The following AGPAT3 variants were observed in gnomAD, a reference collection of about 807,000 sequenced individuals.
AGPAT3 encodes the protein 1-acyl-sn-glycerol-3-phosphate acyltransferase gamma.
AGPAT3 carries 5 observed loss-of-function variants against 47.3 expected under a neutral mutation model. The observed-to-expected ratio is 0.11, with a 90% CI of 0.06 to 0.22. AGPAT3 has a LOEUF of 0.22. Among genes scored for constraint, AGPAT3 ranks in the 10% least tolerant of loss-of-function variants. The pLI is 1.00. For synonymous variants in AGPAT3, 212 were observed against 208.3 expected, an observed-to-expected ratio of 1.02 and a Z score of -0.15; for missense variants, 315 against 493.0, an observed-to-expected ratio of 0.64 and a Z score of 3.42.
At chr21:43,898,916 A>G (rs1034036240) in intron 1 of AGPAT3, among the ~76,000 whole-genome samples, 3 of 151,438 alleles carry the variant, frequency 2.0e-5, no homozygotes, top group Non-Finnish European at 2.9e-5. Flanking sequence ...GGGTTTCACC[A>G]TGTTGTTCAC....
At position 43,908,980 on chromosome 21, in the gene AGPAT3, C is replaced by T. The variant is rs552717747; in HGVS notation, c.-49+4961C>T. ...CGTGCCCTGTCACAGCCAGCCCTGC[C>T]CTGGAGAGAGAGGCCACTGGGAAAA... On this transcript the variant is annotated intron_variant, in intron 2 of 9. Coordinates refer to ENST00000291572, the MANE Select transcript of AGPAT3 (RefSeq NM_020132.5). This position sits in a 1 kb window ranked among gnomAD's most constrained non-coding sequence, Gnocchi z 4.9. Among the ~76,000 whole-genome samples the T allele has an allele frequency of 3.9e-5, 6 of 152,234 alleles. No homozygotes were observed. Among genetic ancestry groups the T allele is most frequent in the Non-Finnish European group, 7.3e-5 (5 of 68,040 alleles).
At chr21:43,956,274 C>G (rs1452238388) in intron 2 of AGPAT3, among the ~76,000 whole-genome samples, 2 of 152,336 alleles carry the variant, frequency 1.3e-5, no homozygotes, top group Admixed American at 1.3e-4. Flanking sequence ...CCCCTGCCCA[C>G]CCTGGGGGGG....
At chr21:43,874,604 C>T (rs1341486224) in intron 1 of AGPAT3, among the ~76,000 whole-genome samples, 1 of 152,128 alleles carries the variant, frequency 6.6e-6, no homozygotes, top group Non-Finnish European at 1.5e-5. Context: ...TATCTTCTGG[C>T]TTATAAAGTT....
chr21:43,910,567 C>G (rs538402688), intron 2 of AGPAT3, among the ~76,000 whole-genome samples: 3 of 152,114 alleles, frequency 2.0e-5, no homozygotes, highest in Admixed American at 1.3e-4. Flanking sequence ...AGCGGAGGGC[C>G]GAGGAGGGCC....
In AGPAT3 at chr21:43,982,514, T is replaced by G. The variant is rs2089890351; in HGVS notation, c.*122T>G. 3 of 689,992 alleles carry G rather than the reference T, an allele frequency of 4.3e-6. No homozygotes were observed. In the Admixed American group the frequency reaches 8.7e-5, roughly 20 times the overall value. 42.7% of individuals were successfully genotyped at this position (689,992 alleles called of 1,614,324 possible). On this transcript the variant is annotated 3_prime_UTR_variant, in exon 10 of 10. Coordinates refer to ENST00000291572, the MANE Select transcript of AGPAT3 (RefSeq NM_020132.5). The surrounding 1 kb of genome is among the most constrained non-coding windows in gnomAD (Gnocchi z 6.2). The stretch of plus-strand genomic sequence containing the variant: ...TTTTCTTATTAACTGGTGACTAATA[T>G]TAACAAAACTTGAGCCAAGAGTAAA...
chr21:43,979,035 T>C (rs978927001), intron 8 of AGPAT3, among the ~76,000 whole-genome samples: 1 of 152,128 alleles, frequency 6.6e-6, no homozygotes, highest in Admixed American at 6.5e-5. Context: ...CTGTGGCTCA[T>C]GCCTGTAATC....
Position 43,984,975 on chromosome 21 carries a change from C to T in AGPAT3, c.*2583C>T, listed in dbSNP as rs1036039970. On this transcript the variant is annotated 3_prime_UTR_variant, in exon 10 of 10. Transcript: ENST00000291572. The stretch of plus-strand genomic sequence containing the variant: ...ATGCCCTCTGCACCCAGTCCTTGAG[C>T]CAGGCCGAGGACAGGAAGGGCATTG... 1.6e-5 allele frequency: 6 copies of T among 384,352 alleles called. No homozygotes were observed. The highest frequency in any genetic ancestry group is 1.3e-4 in the African/African-American group (6 of 47,670). The allele number at this position is 384,352 out of a possible 1,614,324, so 23.8% of individuals were successfully genotyped here.
intron 2 of AGPAT3, among the ~76,000 whole-genome samples, chr21:43,904,831 T>G (rs959570742): frequency 6.6e-6 from 1 of 152,118 alleles, no homozygotes; most frequent in African/African-American, 2.4e-5. Flanking sequence ...ACCCAGGAGG[T>G]GTCTCCTCCA....
intron 8 of AGPAT3, among the ~76,000 whole-genome samples, chr21:43,979,169 G>A (rs537348531): frequency 8.9e-4 from 136 of 151,980 alleles, no homozygotes; most frequent in African/African-American, 3.1e-3. Flanking sequence ...GCCTGGTGGC[G>A]CATGCCTGTA....
intron 1 of AGPAT3, among the ~76,000 whole-genome samples, chr21:43,870,363 A>G (rs1197817137): frequency 6.6e-6 from 1 of 152,070 alleles, no homozygotes; most frequent in Admixed American, 6.5e-5. Context: ...CTAGCATTGC[A>G]TTTTCCTGGA....
intron 7 of AGPAT3, among the ~76,000 whole-genome samples, chr21:43,977,616 G>A (rs2089666684): frequency 6.6e-6 from 1 of 152,186 alleles, no homozygotes; most frequent in South Asian, 2.1e-4. Context: ...AGTGGCTCAC[G>A]CCTGTAATCC....
intron 2 of AGPAT3, among the ~76,000 whole-genome samples, chr21:43,906,368 A>T (rs571074411): frequency 1.3e-5 from 2 of 152,210 alleles, no homozygotes; most frequent in African/African-American, 4.8e-5. Context: ...CGAAATCTAT[A>T]GCAAAATGTT....
At chr21:43,960,311 T>C (rs2088768462) in intron 3 of AGPAT3, among the ~76,000 whole-genome samples, 1 of 152,228 alleles carries the variant, frequency 6.6e-6, no homozygotes, top group African/African-American at 2.4e-5. Flanking sequence ...GCTGTGTGTC[T>C]GTCCGTATGT....
At chr21:43,894,079 C>A (rs73906664) in intron 1 of AGPAT3, among the ~76,000 whole-genome samples, 3 of 152,276 alleles carry the variant, frequency 2.0e-5, no homozygotes, top group Admixed American at 2.0e-4. Flanking sequence ...AGCTTCCTTC[C>A]GGCTTCTGGC....
intron 2 of AGPAT3, among the ~76,000 whole-genome samples, chr21:43,943,349 C>T (rs1168703892): frequency 7.2e-5 from 11 of 152,326 alleles, no homozygotes; most frequent in Non-Finnish European, 7.4e-5. Context: ...GCTGGGATTA[C>T]AGGCGTGAGC....
chr21:43,889,913 T>C (rs867008625), intron 1 of AGPAT3, among the ~76,000 whole-genome samples: 6 of 152,188 alleles, frequency 3.9e-5, no homozygotes, highest in African/African-American at 1.2e-4. Context: ...GGGGTGGCCA[T>C]TGCAATTTCC....
chr21:43,891,643 A>T (rs1450583980), intron 1 of AGPAT3, among the ~76,000 whole-genome samples: 2 of 151,978 alleles, frequency 1.3e-5, no homozygotes, highest in East Asian at 3.9e-4. Context: ...AACAAAAAAA[A>T]AAAAAGGGAG....
At chr21:43,927,482 C>A (rs2087096081) in intron 2 of AGPAT3, among the ~76,000 whole-genome samples, 1 of 152,114 alleles carries the variant, frequency 6.6e-6, no homozygotes, top group East Asian at 1.9e-4. Flanking sequence ...TCCATTGAGA[C>A]CTGATTTTAG....
At chr21:43,879,842 C>G (rs1365755403) in intron 1 of AGPAT3, among the ~76,000 whole-genome samples, 1 of 152,178 alleles carries the variant, frequency 6.6e-6, no homozygotes, top group Non-Finnish European at 1.5e-5. Context: ...CTAGAAGCGA[C>G]AGCCTGAGCT....
Sources: gnomAD v4.1 joint callset for allele counts (sites outside exome capture counted in the v4.1 genomes callset) on GRCh38, gnomAD v4.1.1 for gene constraint, Gnocchi (gnomAD v3.1) non-coding constraint, MANE v1.5 for transcripts, NCBI Gene and HGNC (gene_info 2026-07-23, HGNC 2026-07-21) for gene names.